NCKAP1: variants seen among roughly 807,000 people sequenced by gnomAD.
NCKAP1 encodes NCK associated protein 1.
In NCKAP1, 21 loss-of-function variants were observed where a neutral mutation model predicts 151.2. The observed-to-expected ratio is 0.14, with a 90% CI of 0.10 to 0.20. The LOEUF (loss-of-function observed/expected upper bound fraction) is 0.20, where lower values mean the gene tolerates loss of function less well. Ranked by LOEUF, NCKAP1 falls within the 10% of genes least tolerant of loss-of-function variation. NCKAP1 has a pLI of 1.00. For synonymous variants in NCKAP1, 484 were observed against 451.8 expected (o/e 1.07, Z -0.90); for missense variants, 933 against 1,352.1 (o/e 0.69, Z 4.86).
chr2:182,953,628 T>C (rs552912231), intron 20 of NCKAP1, among the ~76,000 whole-genome samples: 52 of 151,996 alleles, frequency 3.4e-4, no homozygotes, highest in Non-Finnish European at 5.9e-4. Flanking sequence ...TGGTGAATCC[T>C]TGTCTCCACT....
chr2:183,017,114 G>T (rs1014755815), intron 2 of NCKAP1, among the ~76,000 whole-genome samples: 2 of 152,112 alleles, frequency 1.3e-5, no homozygotes, highest in Non-Finnish European at 2.9e-5. Flanking sequence ...TTGTGGAGCT[G>T]TCCAAAGGGG....
Position 182,935,281 on chromosome 2 carries a change from A to G in NCKAP1, c.2778+12T>C, listed in dbSNP as rs1559072056. 6.5e-7 allele frequency: 1 copy of G among 1,539,582 alleles called. No homozygotes were observed. The highest frequency in any genetic ancestry group is 1.2e-5 in the South Asian group (1 of 82,450). On this transcript the variant is annotated intron_variant, in intron 25 of 30. Transcript: ENST00000361354. The stretch of plus-strand genomic sequence containing the variant: ...TTTGGATACCGAGTATATACTTGTA[A>G]TGGTTTCTTACATCTCTAAGTGCTT...
At chr2:182,940,473 CTT>C (rs1316622458) in intron 24 of NCKAP1, among the ~76,000 whole-genome samples, 6 of 150,710 alleles carry the variant, frequency 4.0e-5, no homozygotes, top group Non-Finnish European at 8.9e-5. Context: ...GAGTTTTGCT[CTT>C]GTCGCCCAGG....
At chr2:182,939,730 A>T (rs1191132189) in intron 24 of NCKAP1, among the ~76,000 whole-genome samples, 2 of 152,090 alleles carry the variant, frequency 1.3e-5, no homozygotes, top group African/African-American at 4.8e-5. Flanking sequence ...CAAAAGAATT[A>T]AAAAAAAGAG....
chr2:182,988,664 T>C (rs1698105213), intron 9 of NCKAP1, among the ~76,000 whole-genome samples: 1 of 152,182 alleles, frequency 6.6e-6, no homozygotes, highest in Non-Finnish European at 1.5e-5. Context: ...TCATATACTT[T>C]TACAAGTACA....
chr2:182,988,750 T>A (rs1482103632), intron 9 of NCKAP1, among the ~76,000 whole-genome samples: 2 of 152,214 alleles, frequency 1.3e-5, no homozygotes, highest in Admixed American at 1.3e-4. Flanking sequence ...TAAAATCATA[T>A]ATGACTTGCA....
chr2:182,928,673 C>T (rs1696697950), intron 28 of NCKAP1, 110 bp downstream of exon 28: 2 of 669,376 alleles, frequency 3.0e-6, no homozygotes, highest in Admixed American at 6.3e-5. Flanking sequence ...GGGAAACAGA[C>T]TACCCCATGT....
intron 24 of NCKAP1, among the ~76,000 whole-genome samples, chr2:182,935,814 G>A (rs11885629): frequency 0.048 from 7,356 of 152,142 alleles, 581 homozygotes; most frequent in African/African-American, 0.17. Context: ...ACTCAGCAGT[G>A]CTAAATTCTT....
Position 183,002,046 on chromosome 2 carries a change from T to A in NCKAP1, c.513-3A>T, listed in dbSNP as rs76758918. ...CAAGGCGTGGGTATTCTCTGTCACT[T>A]AAAACAGACATATCAAATTTCAATG... On this transcript the variant is annotated splice_region_variant and splice_polypyrimidine_tract_variant and intron_variant, in intron 5 of 30. Transcript: ENST00000361354. 1.2e-6 allele frequency: 2 copies of A among 1,613,346 alleles called. No individual in the cohort carries two copies. Among genetic ancestry groups the A allele is most frequent in the Non-Finnish European group, 1.7e-6 (2 of 1,179,452 alleles).
chr2:182,982,450 GAT>G (rs142603534), intron 12 of NCKAP1, among the ~76,000 whole-genome samples: 15,523 of 152,152 alleles, frequency 0.1, 1,108 homozygotes, highest in African/African-American at 0.2. Context: ...GTGCAGAAGA[GAT>G]ACACATTTAG....
chr2:183,036,321 T>A (rs1699101903), intron 1 of NCKAP1, among the ~76,000 whole-genome samples: 1 of 152,178 alleles, frequency 6.6e-6, no homozygotes, highest in Admixed American at 6.5e-5. Flanking sequence ...TTACTCTCAC[T>A]TCCTCTTTTA....
At chr2:182,983,236 T>C in intron 11 of NCKAP1, 50 bp downstream of exon 11, 1 of 1,431,384 alleles carries the variant, frequency 7.0e-7, no homozygotes, top group Non-Finnish European at 9.6e-7. Flanking sequence ...GAAACGTTTT[T>C]TAAAATTTTA....
intron 28 of NCKAP1, 126 bp downstream of exon 28, chr2:182,928,657 G>T: frequency 1.6e-6 from 1 of 606,378 alleles, no homozygotes; most frequent in Non-Finnish European, 2.8e-6. Flanking sequence ...CTGCAGTTTA[G>T]GAAAAGGGAA....
chr2:182,959,766 C>G (rs186199360), intron 18 of NCKAP1, among the ~76,000 whole-genome samples: 12 of 152,002 alleles, frequency 7.9e-5, no homozygotes, highest in East Asian at 3.9e-4. Flanking sequence ...GGAAATAAAG[C>G]GCATTCAATT....
At chr2:182,959,842 T>C (rs187506691) in intron 18 of NCKAP1, among the ~76,000 whole-genome samples, 44 of 152,276 alleles carry the variant, frequency 2.9e-4, no homozygotes, top group Non-Finnish European at 4.6e-4. Context: ...GAAAACCCCA[T>C]TGTCTCAGCC....
chr2:183,017,869 A>G (rs1698723499), intron 2 of NCKAP1, among the ~76,000 whole-genome samples: 1 of 152,312 alleles, frequency 6.6e-6, no homozygotes, highest in South Asian at 2.1e-4. Context: ...ATTCTTCAAG[A>G]GCAATTTGTC....
chr2:183,024,723 G>A (rs576008705), intron 1 of NCKAP1, among the ~76,000 whole-genome samples: 22 of 152,300 alleles, frequency 1.4e-4, no homozygotes, highest in Non-Finnish European at 8.8e-5. Context: ...GCTTGCTAGC[G>A]AGATGTTATT....
At chr2:182,934,902 C>T (rs1177219674) in intron 25 of NCKAP1, 70 bp from the exon 26 acceptor site, 2 of 685,760 alleles carry the variant, frequency 2.9e-6, no homozygotes, top group Non-Finnish European at 4.8e-6. Flanking sequence ...CAAAATATTA[C>T]CAATTGATTA....
At chr2:182,987,575 A>T (rs1364512321) in intron 9 of NCKAP1, among the ~76,000 whole-genome samples, 6 of 152,204 alleles carry the variant, frequency 3.9e-5, no homozygotes, top group African/African-American at 1.2e-4. Flanking sequence ...CTTGCACCAT[A>T]CATAAGTTCA....
Sources: gnomAD v4.1 joint callset for allele counts (sites outside exome capture counted in the v4.1 genomes callset) on GRCh38, gnomAD v4.1.1 for gene constraint, MANE v1.5 for transcripts, NCBI Gene and HGNC (gene_info 2026-07-23, HGNC 2026-07-21) for gene names.